TMEM266: variants seen among roughly 807,000 people sequenced by gnomAD.
The protein encoded by TMEM266 is transmembrane protein 266.
A neutral mutation model predicts 50.5 loss-of-function variants in TMEM266; 33 were observed. The observed-to-expected ratio is 0.65, with a 90% CI of 0.50 to 0.87. The LOEUF is 0.87. Among genes scored for constraint, TMEM266 ranks in the 40% least tolerant of loss-of-function variants. The pLI is 0.00. For synonymous variants in TMEM266, 310 were observed against 292.3 expected, an observed-to-expected ratio of 1.06 and a Z score of -0.62; for missense variants, 655 against 695.1, an observed-to-expected ratio of 0.94 and a Z score of 0.65.
intron 1 of TMEM266, among the ~76,000 whole-genome samples, chr15:76,079,983 C>T (rs2036662694): frequency 6.6e-6 from 1 of 151,888 alleles, no homozygotes; most frequent in Non-Finnish European, 1.5e-5. Context: ...TTTGTAAGTG[C>T]AAGAGCTGTA....
chr15:76,107,615 C>T (rs1349163505), intron 1 of TMEM266, among the ~76,000 whole-genome samples: 2 of 152,142 alleles, frequency 1.3e-5, no homozygotes, highest in African/African-American at 4.8e-5. Flanking sequence ...ATATTCAAGC[C>T]CTGGAAGATT....
intron 1 of TMEM266, among the ~76,000 whole-genome samples, chr15:76,069,742 C>T (rs1006933069): frequency 1.3e-5 from 2 of 151,826 alleles, no homozygotes; most frequent in Admixed American, 6.6e-5. Context: ...TGCTTGAACC[C>T]GAGAGGTGGA....
intron 1 of TMEM266, among the ~76,000 whole-genome samples, chr15:76,098,598 C>T (rs1170280202): frequency 1.3e-5 from 2 of 152,122 alleles, no homozygotes. Flanking sequence ...CTTAGCAGAG[C>T]TTGAACACTG....
intron 8 of TMEM266, chr15:76,180,937 T>C (rs1281498371): frequency 1.3e-5 from 2 of 152,220 alleles, no homozygotes; most frequent in Non-Finnish European, 2.9e-5. Context: ...TAAGAAAGAT[T>C]ACATTGCTTC....
intron 1 of TMEM266, among the ~76,000 whole-genome samples, chr15:76,126,589 T>TG (rs1339010710): frequency 6.6e-6 from 1 of 151,652 alleles, no homozygotes; most frequent in Non-Finnish European, 1.5e-5. Flanking sequence ...TGGAGTGCAG[T>TG]GGCATGATCT....
intron 5 of TMEM266, among the ~76,000 whole-genome samples, chr15:76,163,861 C>G (rs2038053992): frequency 6.6e-6 from 1 of 152,242 alleles, no homozygotes; most frequent in Non-Finnish European, 1.5e-5. Flanking sequence ...TACTGACTCT[C>G]CTCTCCCTCT....
chr15:76,190,744 G>C (rs1164522413), intron 8 of TMEM266, among the ~76,000 whole-genome samples: 1 of 152,226 alleles, frequency 6.6e-6, no homozygotes, highest in Non-Finnish European at 1.5e-5. Context: ...CTGTGAAAGT[G>C]ATACTGTCGT....
intron 9 of TMEM266, among the ~76,000 whole-genome samples, chr15:76,196,125 T>G (rs2038652105): frequency 6.6e-6 from 1 of 152,140 alleles, no homozygotes; most frequent in African/African-American, 2.4e-5. Flanking sequence ...TCCTGGAAAC[T>G]AAGGTAGGGG....
chr15:76,076,710 A>G (rs2036612675), intron 1 of TMEM266, among the ~76,000 whole-genome samples: 1 of 152,024 alleles, frequency 6.6e-6, no homozygotes, highest in African/African-American at 2.4e-5. Flanking sequence ...AATGGTTCCT[A>G]GGAAGGTCGG....
intron 1 of TMEM266, among the ~76,000 whole-genome samples, chr15:76,079,954 C>T (rs1285221369): frequency 6.6e-6 from 1 of 151,928 alleles, no homozygotes; most frequent in African/African-American, 2.4e-5. Context: ...AACAACAGCA[C>T]AGACTAAATA....
chr15:76,071,802 G>C (rs1009309708), intron 1 of TMEM266, among the ~76,000 whole-genome samples: 1 of 152,166 alleles, frequency 6.6e-6, no homozygotes, highest in East Asian at 1.9e-4. Context: ...GGCTTCCCCC[G>C]CTTCCCTGCT....
intron 10 of TMEM266, among the ~76,000 whole-genome samples, chr15:76,202,495 T>C (rs1265436714): frequency 6.6e-6 from 1 of 152,114 alleles, no homozygotes; most frequent in Non-Finnish European, 1.5e-5. Context: ...GGGTGCTCTG[T>C]GATCACCCAT....
In TMEM266 at chr15:76,153,041, C is replaced by T. The variant is rs1029538271; in HGVS notation, c.228-3563C>T. ...AGTGTGCTCTGGTGTCAGGGCCAGG[C>T]CAACTATGGGCTGACTTCAGACCAC... is the stretch of plus-strand genomic sequence containing the variant. On this transcript the variant is annotated intron_variant, in intron 3 of 10. Transcript: ENST00000388942. This position sits in a 1 kb window ranked among gnomAD's most constrained non-coding sequence, Gnocchi z 4.2. Among the ~76,000 whole-genome samples, 4 of 152,042 alleles carry T rather than the reference C, an allele frequency of 2.6e-5. No homozygotes were observed. The highest frequency in any genetic ancestry group is 9.7e-5 in the African/African-American group (4 of 41,378).
In TMEM266 at chr15:76,137,758, AGAC is replaced by A; in HGVS notation, c.93_95del (p.Asp31del). The A allele has an allele frequency of 6.2e-7, 1 of 1,614,240 alleles. No homozygotes were observed. The highest frequency in any genetic ancestry group is 8.5e-7 in the Non-Finnish European group (1 of 1,180,046). ...AAGTTGAGATCATCTCCCAACAAGT[AGAC>A]GAAGAAACCAAGAGCATTGCTCCTG... On this transcript the variant is annotated inframe_deletion, in exon 3 of 11. Coordinates refer to ENST00000388942, the MANE Select transcript of TMEM266 (RefSeq NM_152335.3).
At chr15:76,125,953 T>C (rs149611897) in intron 1 of TMEM266, among the ~76,000 whole-genome samples, 1,585 of 151,478 alleles carry the variant, frequency 0.01, 38 homozygotes, top group African/African-American at 0.036. Context: ...TATGAAAAGG[T>C]GCTTAACATC....
Position 76,160,362 on chromosome 15 carries a change from G to A in TMEM266, c.456+194G>A, listed in dbSNP as rs989628903. 6.6e-6 allele frequency among the ~76,000 whole-genome samples: 1 copy of A among 152,234 alleles called. No homozygotes were observed. The highest frequency in any genetic ancestry group is 1.5e-5 in the Non-Finnish European group (1 of 68,044). ...TACAGGGAGCCCAACCCAGCCAGGG[G>A]GGTTTGGCCCTAGCAGGTGATTCCT... On this transcript the variant is annotated intron_variant, in intron 5 of 10. Transcript: ENST00000388942. The surrounding 1 kb of genome is among the most constrained non-coding windows in gnomAD (Gnocchi z 5.7).
chr15:76,086,946 G>A (rs1238733303), intron 1 of TMEM266, among the ~76,000 whole-genome samples: 1 of 151,480 alleles, frequency 6.6e-6, no homozygotes, highest in African/African-American at 2.4e-5. Context: ...GGGCGGTGGT[G>A]TTGCAAAGGG....
intron 1 of TMEM266, among the ~76,000 whole-genome samples, chr15:76,086,933 G>GGC (rs1555445658): frequency 0.058 from 1,983 of 34,072 alleles, 78 homozygotes; most frequent in African/African-American, 0.14. Context: ...CAGGTCGGGG[G>GGC]GGGGGCGGTG....
At chr15:76,089,640 T>C (rs1018532960) in intron 1 of TMEM266, among the ~76,000 whole-genome samples, 3 of 152,130 alleles carry the variant, frequency 2.0e-5, no homozygotes, top group Non-Finnish European at 4.4e-5. Context: ...GGGAGCTAGC[T>C]AGGGTCTTAA....
Sources: allele counts gnomAD v4.1 joint callset (sites outside exome capture counted in the v4.1 genomes callset), GRCh38; gene constraint gnomAD v4.1.1; non-coding constraint Gnocchi (gnomAD v3.1); transcripts MANE v1.5; gene names NCBI Gene and HGNC (gene_info 2026-07-23, HGNC 2026-07-21).